SOX5: variants seen among roughly 807,000 people sequenced by gnomAD.
The protein encoded by SOX5 is SRY-box transcription factor 5.
In SOX5, 9 loss-of-function variants were observed where a neutral mutation model predicts 92.0. The ratio of observed to expected loss-of-function variants is 0.10; its 90% CI spans 0.06 to 0.17. SOX5 has a LOEUF of 0.17. Among genes scored for constraint, SOX5 ranks in the 10% least tolerant of loss-of-function variants. The pLI is 1.00. For synonymous variants in SOX5, 344 were observed against 336.3 expected, an observed-to-expected ratio of 1.02 and a Z score of -0.25; for missense variants, 642 against 944.5, an observed-to-expected ratio of 0.68 and a Z score of 4.20.
chr12:24,385,926 C>CAAAAAAAAAAAAAAAAAAAAA (rs35813329), intron 1 of SOX5, among the ~76,000 whole-genome samples: 2 of 73,400 alleles, frequency 2.7e-5, no homozygotes, highest in Non-Finnish European at 2.5e-5. Context: ...GACCTTGTCA[C>CAAAAAAAAAAAAAAAAAAAAA]AAAAAAAAAA....
Position 23,826,654 on chromosome 12 carries a change from A to G in SOX5, c.481+19329T>C, listed in dbSNP as rs2096240096. ...CATGGTATCTTGACACTAATGAAAA[A>G]TCCTAAAGTACTGGAGCAAGGACTG... On this transcript the variant is annotated intron_variant, in intron 3 of 14. Coordinates refer to ENST00000451604, the MANE Select transcript of SOX5 (RefSeq NM_006940.6). Among the ~76,000 whole-genome samples the G allele has an allele frequency of 2.0e-5, 3 of 152,092 alleles. No individual in the cohort carries two copies. In the South Asian group the frequency reaches 6.2e-4, roughly 32 times the overall value.
chr12:23,609,223 AAAAT>A (rs1044547467), intron 8 of SOX5, among the ~76,000 whole-genome samples: 1 of 152,176 alleles, frequency 6.6e-6, no homozygotes, highest in African/African-American at 2.4e-5. Flanking sequence ...ATGTTAGAGG[AAAAT>A]AACATTAGTT....
At chr12:24,025,237 A>G (rs1271708855) in intron 4 of SOX5, among the ~76,000 whole-genome samples, 1 of 152,026 alleles carries the variant, frequency 6.6e-6, no homozygotes, top group Admixed American at 6.6e-5. Flanking sequence ...GAGAGTGAGA[A>G]ATGGAAAGAT....
At chr12:23,887,156 A>G (rs1300160655) in intron 2 of SOX5, among the ~76,000 whole-genome samples, 1 of 152,202 alleles carries the variant, frequency 6.6e-6, no homozygotes, top group African/African-American at 2.4e-5. Context: ...ATGCAGTAAG[A>G]GAAACCTAGA....
At chr12:24,109,948 G>A (rs1455343353) in intron 4 of SOX5, among the ~76,000 whole-genome samples, 2 of 152,022 alleles carry the variant, frequency 1.3e-5, no homozygotes, top group East Asian at 3.8e-4. Flanking sequence ...TTACTTTAAC[G>A]CTAATTTCAT....
chr12:24,056,171 A>G (rs1958079263), intron 4 of SOX5, among the ~76,000 whole-genome samples: 1 of 152,164 alleles, frequency 6.6e-6, no homozygotes, highest in African/African-American at 2.4e-5. Flanking sequence ...TAGGTGCCTA[A>G]TTGTGCATAC....
At chr12:23,926,423 A>AT (rs1442079699) in intron 1 of SOX5, among the ~76,000 whole-genome samples, 1 of 152,140 alleles carries the variant, frequency 6.6e-6, no homozygotes, top group Admixed American at 6.5e-5. Flanking sequence ...TATTATAAAG[A>AT]TACAAAATAC....
chr12:24,560,662 A>G (rs1954246552), intron 1 of SOX5, among the ~76,000 whole-genome samples: 1 of 152,226 alleles, frequency 6.6e-6, no homozygotes, highest in Admixed American at 6.5e-5. Flanking sequence ...AAAATTAGAC[A>G]GATCAAAATT....
chr12:23,719,977 A>G (rs1430190273), intron 6 of SOX5, among the ~76,000 whole-genome samples: 1 of 152,156 alleles, frequency 6.6e-6, no homozygotes, highest in East Asian at 1.9e-4. Context: ...ATGAGCCAGT[A>G]GAAGACAGGT....
intron 3 of SOX5, among the ~76,000 whole-genome samples, chr12:24,256,268 G>T (rs1367684397): frequency 6.6e-6 from 1 of 152,212 alleles, no homozygotes; most frequent in African/African-American, 2.4e-5. Context: ...TAGATGCAAA[G>T]ATTGAAGTGT....
At chr12:24,245,235 TTGTG>T (rs58384963) in intron 3 of SOX5, among the ~76,000 whole-genome samples, 34,308 of 144,018 alleles carry the variant, frequency 0.24, 4,094 homozygotes, top group South Asian at 0.33. Flanking sequence ...TTGGAGAGAT[TTGTG>T]TGTGTGTGTG....
intron 3 of SOX5, among the ~76,000 whole-genome samples, chr12:23,834,181 G>A (rs1247937386): frequency 1.3e-5 from 2 of 151,980 alleles, no homozygotes; most frequent in East Asian, 1.9e-4. Context: ...GACGGGAAAC[G>A]ACATTTAAGG....
At chr12:24,025,001 A>G (rs1448108866) in intron 4 of SOX5, among the ~76,000 whole-genome samples, 2 of 152,080 alleles carry the variant, frequency 1.3e-5, no homozygotes, top group Non-Finnish European at 2.9e-5. Context: ...TTCTATAATT[A>G]AACATTTACT....
rs754221267 is a variant in SOX5, at chr12:23,614,707, A to T, written c.1018-10174T>A. ...ATTTGTTGAGTAATGTGGTATCTTC[A>T]TGTTTACCTTCTAAGGAAATTGTCA... On this transcript the variant is annotated intron_variant, in intron 8 of 14. Transcript: ENST00000451604. 6.6e-5 allele frequency among the ~76,000 whole-genome samples: 10 copies of T among 152,184 alleles called. No homozygotes were observed. The East Asian group carries it at 1.3e-3, about 21-fold the overall frequency.
chr12:24,351,466 G>A (rs185686603), intron 2 of SOX5, among the ~76,000 whole-genome samples: 130 of 152,312 alleles, frequency 8.5e-4, no homozygotes, highest in African/African-American at 3.1e-3. Flanking sequence ...AAGGAGTTCT[G>A]AAATCTTTCT....
At chr12:23,878,294 T>C (rs1162167192) in intron 2 of SOX5, among the ~76,000 whole-genome samples, 2 of 152,094 alleles carry the variant, frequency 1.3e-5, no homozygotes, top group African/African-American at 4.8e-5. Flanking sequence ...CATCCATTTG[T>C]CAAAGAGAAA....
chr12:23,777,234 A>G (rs2095132094), intron 3 of SOX5, among the ~76,000 whole-genome samples: 2 of 152,230 alleles, frequency 1.3e-5, no homozygotes, highest in South Asian at 4.1e-4. Context: ...CATGATTTGG[A>G]TTACTCATAA....
At chr12:24,263,048 C>T (rs895477430) in intron 3 of SOX5, among the ~76,000 whole-genome samples, 4 of 130,598 alleles carry the variant, frequency 3.1e-5, no homozygotes, top group African/African-American at 1.1e-4. Context: ...ATGGTGAAAC[C>T]TTGTCTCTAC....
At chr12:23,667,898 C>G (rs2084083892) in intron 6 of SOX5, among the ~76,000 whole-genome samples, 1 of 152,164 alleles carries the variant, frequency 6.6e-6, no homozygotes, top group African/African-American at 2.4e-5. Context: ...AAACACATCT[C>G]AAAATATCGT....
Sources: gnomAD v4.1 joint callset for allele counts (sites outside exome capture counted in the v4.1 genomes callset) on GRCh38, gnomAD v4.1.1 for gene constraint, MANE v1.5 for transcripts, NCBI Gene and HGNC (gene_info 2026-07-23, HGNC 2026-07-21) for gene names.